DSP: variants seen among roughly 807,000 people sequenced by gnomAD.
DSP encodes the protein desmoplakin, also known as 250/210 kDa paraneoplastic pemphigus antigen.
A neutral mutation model predicts 290.6 loss-of-function variants in DSP; 114 were observed. The observed-to-expected ratio is 0.39, with a 90% CI of 0.34 to 0.46. DSP has a LOEUF of 0.46. DSP is among the 20% of genes least tolerant of loss of function. The pLI, the probability that DSP is intolerant of heterozygous loss-of-function variation, is 0.99. For missense variants in DSP, 3,230 were observed against 3,495.8 expected, an observed-to-expected ratio of 0.92 and a Z score of 1.92; for synonymous variants, 1,311 against 1,316.4, an observed-to-expected ratio of 1.00 and a Z score of 0.09.
chr6:7,572,249 G>T (rs1422240109), intron 15 of DSP, among the ~76,000 whole-genome samples, 181 bp downstream of exon 15: 1 of 152,176 alleles, frequency 6.6e-6, no homozygotes, highest in African/African-American at 2.4e-5. Context: ...ATCAGGCTGG[G>T]GGTTAAACTG....
At chr6:7,569,124 G>A (rs1475577486) in intron 11 of DSP, 62 bp from the exon 12 acceptor site, 11 of 1,606,754 alleles carry the variant, frequency 6.8e-6, no homozygotes, top group Non-Finnish European at 9.4e-6. Flanking sequence ...CCATCATTGA[G>A]AAAAAAAATA....
Position 7,583,947 on chromosome 6 carries a change from A to G in DSP, c.6685A>G (p.Arg2229Gly). 1 of 1,614,200 alleles carries G rather than the reference A, an allele frequency of 6.2e-7. No homozygotes were observed. Among genetic ancestry groups the G allele is most frequent in the East Asian group, 2.2e-5 (1 of 44,882 alleles). The change falls in exon 24 of 24, where the codon AGA becomes GGA. Residue 2229 changes from arginine (R) to glycine (G), a missense_variant. Transcript: ENST00000379802. This position sits in a 1 kb window ranked among gnomAD's most constrained non-coding sequence, Gnocchi z 4.0. ...TGAGCTAGTAGATTCTGGTATATTGAGACCGTCCACTGTCAATGAACTGGA... is the reference window on the plus strand; with the variant it reads ...TGAGCTAGTAGATTCTGGTATATTGGGACCGTCCACTGTCAATGAACTGGA... ...VTELVDSGILRPSTVNELESG... is the reference protein window; with the variant it reads ...VTELVDSGILGPSTVNELESG...
At chr6:7,570,289 G>T (rs566121800) in intron 12 of DSP, 148 bp from the exon 13 acceptor site, 35 of 1,171,426 alleles carry the variant, frequency 3.0e-5, no homozygotes, top group Non-Finnish European at 4.3e-5. Flanking sequence ...CCAAATCCAT[G>T]AACTGTTTTC....
chr6:7,553,697 T>A (rs1431655504), intron 1 of DSP, among the ~76,000 whole-genome samples: 2 of 152,200 alleles, frequency 1.3e-5, no homozygotes, highest in Non-Finnish European at 2.9e-5. Flanking sequence ...GAAACGGACC[T>A]CATTTCCTGT....
In DSP at chr6:7,579,748, A is replaced by T; in HGVS notation, c.3558A>T (p.Arg1186Ser). 1 of 1,613,784 alleles carries T rather than the reference A, an allele frequency of 6.2e-7. No homozygotes were observed. The highest frequency in any genetic ancestry group is 8.5e-7 in the Non-Finnish European group (1 of 1,179,836). Residue 1186 changes from arginine (R) to serine (S), a missense_variant, in exon 23 of 24, where the codon AGA (arginine) becomes AGT (serine). This residue lies in a region of DSP where 1,714 missense variants were observed against 1,844.5 expected (regional missense o/e 0.93). Transcript: ENST00000379802. This position sits in a 1 kb window ranked among gnomAD's most constrained non-coding sequence, Gnocchi z 4.1. ...VLLQEEGTRK[R>S]EYENELAKVR... ...TGCAGGAAGAAGGCACCCGGAAGAGAGAATATGAAAATGAGCTGGCAAAGG... is the reference window on the plus strand; with the variant it reads ...TGCAGGAAGAAGGCACCCGGAAGAGTGAATATGAAAATGAGCTGGCAAAGG...
At position 7,544,469 on chromosome 6, in the gene DSP, T is replaced by G. The variant is rs1422364501; in HGVS notation, c.170+2384T>G. Among the ~76,000 whole-genome samples the G allele has an allele frequency of 7.3e-5, 11 of 150,722 alleles. No individual in the cohort carries two copies. In the Admixed American group the frequency reaches 7.3e-4, roughly 10 times the overall value. On this transcript the variant is annotated intron_variant, in intron 1 of 23. Transcript: ENST00000379802. ...CGAAGGTTTTCTAAATAAAGGTTTTTGTGGTTTTCTTTTCTTTCTTTCTTT... is the reference window on the plus strand; with the variant it reads ...CGAAGGTTTTCTAAATAAAGGTTTTGGTGGTTTTCTTTTCTTTCTTTCTTT...
Position 7,580,941 on chromosome 6 carries a change from C to A in DSP, c.4751C>A (p.Ala1584Glu), listed in dbSNP as rs748619817. 1 of 1,613,952 alleles carries A rather than the reference C, an allele frequency of 6.2e-7. No individual in the cohort carries two copies. Reference protein sequence around the residue: ...EEELNRLKRTASEDSCKRKKL... With the variant: ...EEELNRLKRTESEDSCKRKKL... ...GAGCTGAATCGGCTGAAGAGGACCG[C>A]GTCAGAAGACTCCTGCAAGAGGAAG... is the stretch of plus-strand genomic sequence containing the variant. Residue 1584 changes from alanine to glutamate, a missense_variant, in exon 23 of 24, where the codon GCG (alanine) becomes GAG (glutamate). Coordinates refer to ENST00000379802, the MANE Select transcript of DSP (RefSeq NM_004415.4). This position sits in a 1 kb window ranked among gnomAD's most constrained non-coding sequence, Gnocchi z 4.2.
rs1759007844 is a variant in DSP, at chr6:7,570,432, C to T, written c.1575-5C>T. 1.2e-6 allele frequency: 2 copies of T among 1,614,132 alleles called. No individual in the cohort carries two copies. The highest frequency in any genetic ancestry group is 1.3e-5 in the African/African-American group (1 of 75,022). ...TCTAGCATGTTTTCCCTTTGTGCCT[C>T]TTAGGATTGAGCAGTACTACGAAGC... On this transcript the variant is annotated splice_region_variant and splice_polypyrimidine_tract_variant and intron_variant, in intron 12 of 23. Transcript: ENST00000379802.
In DSP at chr6:7,562,845, A is replaced by G. The variant is rs1758745511; in HGVS notation, c.726+65A>G. The G allele has an allele frequency of 6.2e-6, 10 of 1,604,658 alleles. No individual in the cohort carries two copies. In the South Asian group the frequency reaches 9.9e-5, roughly 16 times the overall value. ...TACCGAAGGATCGTGTAATTACTCAATCCCAGGGAGTTTCTTCTGAAACAT... is the reference window on the plus strand; with the variant it reads ...TACCGAAGGATCGTGTAATTACTCAGTCCCAGGGAGTTTCTTCTGAAACAT... On this transcript the variant is annotated intron_variant, in intron 5 of 23. Coordinates refer to ENST00000379802, the MANE Select transcript of DSP (RefSeq NM_004415.4).
chr6:7,579,795 A>T lies in DSP; in HGVS notation c.3605A>T (p.Glu1202Val), dbSNP rs374266534. ...AAGGTAAGAAACCACTATAATGAGG[A>T]GATGAGTAATTTAAGGAACAAGTAT... Reference protein sequence around the residue: ...LAKVRNHYNEEMSNLRNKYET... With the variant: ...LAKVRNHYNEVMSNLRNKYET... The change falls in exon 23 of 24, where the codon GAG becomes GTG. Residue 1202 changes from glutamate to valine, a missense_variant. Physicochemically the swap from Glu to Val is moderately radical, Grantham distance 121. Transcript: ENST00000379802. The surrounding 1 kb of genome is among the most constrained non-coding windows in gnomAD (Gnocchi z 4.1). 1.9e-6 allele frequency: 3 copies of T among 1,613,994 alleles called. No individual in the cohort carries two copies. The African/African-American group carries it at 4.0e-5, about 22-fold the overall frequency.
At chr6:7,568,300 G>A (rs1758923782) in intron 10 of DSP, 137 bp from the exon 11 acceptor site, 9 of 1,000,008 alleles carry the variant, frequency 9.0e-6, no homozygotes, top group South Asian at 4.3e-5. Context: ...TCCTGCCGAC[G>A]AATTTGTGAT....
intron 13 of DSP, 79 bp downstream of exon 13, chr6:7,570,642 C>G: frequency 1.3e-6 from 2 of 1,595,246 alleles, no homozygotes; most frequent in Non-Finnish European, 1.7e-6. Flanking sequence ...AACAGTTCAA[C>G]CTTCTTGCTG....
intron 1 of DSP, among the ~76,000 whole-genome samples, chr6:7,549,364 G>A (rs1411049686): frequency 6.6e-6 from 1 of 152,156 alleles, no homozygotes; most frequent in Non-Finnish European, 1.5e-5. Context: ...GGTCAGGCTG[G>A]TCTGGAACTC....
rs142248206 is a variant in DSP, at chr6:7,568,951, GTGAGACC to G, written c.1420-234_1420-228del. ...AATGTCTCTCACTATGGGTGACACAGTGAGACCAAATAAATAAATAAAATGTAGCTCA... is the reference window on the plus strand; with the variant it reads ...AATGTCTCTCACTATGGGTGACACAGAAATAAATAAATAAAATGTAGCTCA... On this transcript the variant is annotated intron_variant, in intron 11 of 23. Transcript: ENST00000379802. Among the ~76,000 whole-genome samples the G allele has an allele frequency of 6.3e-3, 967 of 152,300 alleles. 11 individuals are homozygous for G. Among genetic ancestry groups the G allele is most frequent in the African/African-American group, 0.022 (908 of 41,556 alleles).
rs553067002 is a variant in DSP at position 7,561,417 on chromosome 6, T to C, written c.598-1235T>C. On this transcript the variant is annotated intron_variant, in intron 4 of 23. Coordinates refer to ENST00000379802, the MANE Select transcript of DSP (RefSeq NM_004415.4). ...TCCTCTTATCGCTTGTTCCCCTGCATGCTTTACCTCATTCCCAGGAGACTG... is the reference window on the plus strand; with the variant it reads ...TCCTCTTATCGCTTGTTCCCCTGCACGCTTTACCTCATTCCCAGGAGACTG... 1.2e-4 allele frequency among the ~76,000 whole-genome samples: 19 copies of C among 152,304 alleles called. No homozygotes were observed. The South Asian group carries it at 3.9e-3, about 32-fold the overall frequency.
In DSP at chr6:7,565,461, C is replaced by A; in HGVS notation, c.880C>A (p.Leu294Met). Reference sequence around the variant, plus strand: ...GATCAATGACTGCGAGGAGGAGGAGCTGCTGTACGACTGGAGCGACAAGAA... The same window carrying A: ...GATCAATGACTGCGAGGAGGAGGAGATGCTGTACGACTGGAGCGACAAGAA... The part of the protein sequence containing the change: ...MWINDCEEEE[L>M]LYDWSDKNTN... Residue 294 changes from leucine (L) to methionine (M), a missense_variant, in exon 7 of 24, where the codon CTG becomes ATG. Leu to Met is a conservative substitution (Grantham distance 15, BLOSUM62 2). Coordinates refer to ENST00000379802, the MANE Select transcript of DSP (RefSeq NM_004415.4). This position sits in a 1 kb window ranked among gnomAD's most constrained non-coding sequence, Gnocchi z 4.2. 1 of 1,614,108 alleles carries A rather than the reference C, an allele frequency of 6.2e-7. No individual in the cohort carries two copies. The highest frequency in any genetic ancestry group is 8.5e-7 in the Non-Finnish European group (1 of 1,179,994).
At chr6:7,562,873 C>A in intron 5 of DSP, 93 bp downstream of exon 5, 1 of 1,560,438 alleles carries the variant, frequency 6.4e-7, no homozygotes, top group Non-Finnish European at 8.8e-7. Flanking sequence ...TGAAACATTG[C>A]TATTATTTCT....
chr6:7,558,302 A>G (rs1758566934), intron 3 of DSP, 38 bp downstream of exon 3: 2 of 1,599,246 alleles, frequency 1.3e-6, no homozygotes, highest in Admixed American at 1.7e-5. Context: ...AGTCCCCATG[A>G]AAAAGAACAC....
At position 7,584,807 on chromosome 6, in the gene DSP, C is replaced by A. The variant is rs1422601451; in HGVS notation, c.7545C>A (p.Thr2515=). ...CCATCACGGGATCAGATGGCTCCAC[C>A]AGGGTGGTCCTGGTAGATAGAAAGA... The part of the protein sequence containing the change: ...EITITGSDGS[T]RVVLVDRKTG... The change falls in exon 24 of 24, where the codon ACC becomes ACA. Residue 2515 remains threonine (T), a synonymous_variant. Coordinates refer to ENST00000379802, the MANE Select transcript of DSP (RefSeq NM_004415.4). This position sits in a 1 kb window ranked among gnomAD's most constrained non-coding sequence, Gnocchi z 6.4. The A allele has an allele frequency of 6.2e-7, 1 of 1,614,182 alleles. No homozygotes were observed. The highest frequency in any genetic ancestry group is 1.1e-5 in the South Asian group (1 of 91,080).
Sources: gnomAD v4.1 joint callset for allele counts (sites outside exome capture counted in the v4.1 genomes callset) on GRCh38, gnomAD v4.1.1 for gene constraint, gnomAD v4.1.1 regional missense constraint, Gnocchi (gnomAD v3.1) non-coding constraint, MANE v1.5 for transcripts, NCBI Gene and HGNC (gene_info 2026-07-23, HGNC 2026-07-21) for gene names.